UPF2: variants seen among roughly 807,000 people sequenced by gnomAD.
UPF2 encodes UPF2 regulator of nonsense mediated mRNA decay.
In UPF2, 17 loss-of-function variants were observed where a neutral mutation model predicts 141.4. The ratio of observed to expected loss-of-function variants is 0.12; its 90% CI spans 0.08 to 0.18. The LOEUF (loss-of-function observed/expected upper bound fraction) is 0.18, where lower values mean the gene tolerates loss of function less well. UPF2 is among the 10% of genes least tolerant of loss of function. The pLI is 1.00. For synonymous variants in UPF2, 540 were observed against 498.0 expected (o/e 1.08, Z -1.12); for missense variants, 1,152 against 1,515.9 (o/e 0.76, Z 3.99).
intron 3 of UPF2, among the ~76,000 whole-genome samples, chr10:12,018,793 G>A (rs1834269344): frequency 6.6e-6 from 1 of 152,186 alleles, no homozygotes; most frequent in South Asian, 2.1e-4. Flanking sequence ...GGATCCTTTA[G>A]AAATTCTAAT....
chr10:11,950,610 G>A (rs1482410105), intron 15 of UPF2, among the ~76,000 whole-genome samples: 1 of 152,156 alleles, frequency 6.6e-6, no homozygotes, highest in East Asian at 1.9e-4. Context: ...TAAACTAGGT[G>A]TCACACTAAT....
intron 3 of UPF2, among the ~76,000 whole-genome samples, chr10:12,017,768 G>A (rs1834248264): frequency 1.3e-5 from 2 of 152,068 alleles, no homozygotes; most frequent in African/African-American, 4.8e-5. Context: ...TATACTTTAA[G>A]TTCTGGGATA....
intron 2 of UPF2, among the ~76,000 whole-genome samples, chr10:12,033,006 C>T (rs1319454329): frequency 6.6e-6 from 1 of 151,972 alleles, no homozygotes; most frequent in Non-Finnish European, 1.5e-5. Flanking sequence ...CACCATCACC[C>T]CCCCAAAAAT....
chr10:11,959,499 C>A lies in UPF2; in HGVS notation c.2185-143G>T. ...AAAGGACTGGGCACTGTGGCTCACA[C>A]CTATAATCCCAGCACTTTGGGAGAC... On this transcript the variant is annotated intron_variant, in intron 11 of 21. Coordinates refer to ENST00000357604, the MANE Select transcript of UPF2 (RefSeq NM_015542.4). The surrounding 1 kb of genome is among the most constrained non-coding windows in gnomAD (Gnocchi z 5.9). The A allele has an allele frequency of 2.4e-6, 2 of 819,878 alleles. No homozygotes were observed. Among genetic ancestry groups the A allele is most frequent in the Non-Finnish European group, 3.6e-6 (2 of 561,998 alleles). 50.8% of individuals were successfully genotyped at this position (819,878 alleles called of 1,614,324 possible).
chr10:12,025,310 G>T (rs1834399709), intron 3 of UPF2, among the ~76,000 whole-genome samples: 1 of 152,178 alleles, frequency 6.6e-6, no homozygotes. Context: ...CAGCACTCTG[G>T]GAGGCCGAGG....
intron 16 of UPF2, 97 bp downstream of exon 16, chr10:11,948,272 C>G: frequency 1.1e-6 from 1 of 891,084 alleles, no homozygotes; most frequent in Non-Finnish European, 1.6e-6. Flanking sequence ...AAAAAAAAAC[C>G]AGGAGGAGGT....
At chr10:11,964,892 G>A (rs1187891397) in intron 10 of UPF2, among the ~76,000 whole-genome samples, 2 of 152,064 alleles carry the variant, frequency 1.3e-5, no homozygotes, top group Non-Finnish European at 2.9e-5. Flanking sequence ...CTGAGGATGG[G>A]ACCCAAATCT....
At chr10:11,997,882 T>G in intron 7 of UPF2, 125 bp from the exon 8 acceptor site, 1 of 937,506 alleles carries the variant, frequency 1.1e-6, no homozygotes, top group East Asian at 2.6e-5. Context: ...GAAACTAGTA[T>G]TGTTAGTATC....
intron 21 of UPF2, chr10:11,923,236 C>G (rs2131142342): frequency 6.6e-6 from 1 of 152,330 alleles, no homozygotes; most frequent in South Asian, 2.1e-4. Context: ...AGAAGACTAG[C>G]ATGGCCCTGT....
chr10:12,010,459 A>T (rs950784678), intron 4 of UPF2, among the ~76,000 whole-genome samples: 2 of 152,232 alleles, frequency 1.3e-5, no homozygotes, highest in Admixed American at 6.5e-5. Flanking sequence ...GACTTCTCTA[A>T]ATGGAATTAA....
rs983815504 is a variant in UPF2 at position 11,931,192 on chromosome 10, A to G, written c.3688+449T>C. Among the ~76,000 whole-genome samples the G allele has an allele frequency of 6.6e-6, 1 of 152,208 alleles. No homozygotes were observed. Among genetic ancestry groups the G allele is most frequent in the African/African-American group, 2.4e-5 (1 of 41,458 alleles). The stretch of plus-strand genomic sequence containing the variant: ...CAGACACCTATACAATGGTGGTCCC[A>G]TCAGTTCATAACAGCTACACCATAC... On this transcript the variant is annotated intron_variant, in intron 20 of 21. Coordinates refer to ENST00000357604, the MANE Select transcript of UPF2 (RefSeq NM_015542.4). The surrounding 1 kb of genome is among the most constrained non-coding windows in gnomAD (Gnocchi z 5.9).
intron 18 of UPF2, among the ~76,000 whole-genome samples, chr10:11,938,866 T>TTTGTTTTTTTTTTG (rs1832895350): frequency 1.1e-5 from 1 of 88,652 alleles, no homozygotes; most frequent in African/African-American, 3.7e-5. Context: ...TTTTTTTTTT[T>TTTGTTTTTTTTTTG]TTTTTTTTTT....
intron 8 of UPF2, among the ~76,000 whole-genome samples, chr10:11,985,499 T>C (rs1833673457): frequency 6.6e-6 from 1 of 150,860 alleles, no homozygotes; most frequent in Admixed American, 6.6e-5. Flanking sequence ...TAGCTGGGCG[T>C]GGTGGAGGGC....
chr10:12,020,815 T>C (rs10906050), intron 3 of UPF2, among the ~76,000 whole-genome samples: 58,458 of 152,106 alleles, frequency 0.38, 13,618 homozygotes, highest in Non-Finnish European at 0.51. Context: ...AATGTGCAAA[T>C]GACAGTGCTC....
At chr10:11,954,053 T>C (rs939034557) in intron 14 of UPF2, among the ~76,000 whole-genome samples, 5 of 152,238 alleles carry the variant, frequency 3.3e-5, no homozygotes, top group African/African-American at 1.2e-4. Context: ...TTCACCCTAA[T>C]TGGCACTTAG....
intron 5 of UPF2, 80 bp from the exon 6 acceptor site, chr10:12,001,905 A>G: frequency 7.6e-7 from 1 of 1,321,514 alleles, no homozygotes; most frequent in Non-Finnish European, 1.0e-6. Flanking sequence ...AAGACTCACA[A>G]AATCTGCAGG....
At chr10:11,982,226 T>G (rs1256988121) in intron 8 of UPF2, among the ~76,000 whole-genome samples, 1 of 152,194 alleles carries the variant, frequency 6.6e-6, no homozygotes, top group Non-Finnish European at 1.5e-5. Flanking sequence ...GATTTAAATC[T>G]ATGCGGAGGT....
chr10:11,934,831 G>T (rs748930069), intron 19 of UPF2, among the ~76,000 whole-genome samples: 2 of 152,066 alleles, frequency 1.3e-5, no homozygotes, highest in Admixed American at 1.3e-4. Context: ...CTTGTGATCC[G>T]CCCGCCTTGG....
In UPF2 at chr10:11,974,594, T is replaced by C. The variant is rs552310827; in HGVS notation, c.1953+4463A>G. Among the ~76,000 whole-genome samples, 15 of 152,326 alleles carry C rather than the reference T, an allele frequency of 9.8e-5. No homozygotes were observed. In the South Asian group the frequency reaches 2.1e-3, roughly 21 times the overall value. On this transcript the variant is annotated intron_variant, in intron 9 of 21. Coordinates refer to ENST00000357604, the MANE Select transcript of UPF2 (RefSeq NM_015542.4). ...TGAGAGTTTTGAGCATGAAGGGCTG[T>C]TGAATTTTGTCAAAGGCCTTTTCTG...
Sources: gnomAD v4.1 joint callset for allele counts (sites outside exome capture counted in the v4.1 genomes callset) on GRCh38, gnomAD v4.1.1 for gene constraint, Gnocchi (gnomAD v3.1) non-coding constraint, MANE v1.5 for transcripts, NCBI Gene and HGNC (gene_info 2026-07-23, HGNC 2026-07-21) for gene names.